Variants in ARID2 observed in about 807,000 individuals in gnomAD.
ARID2 encodes the protein AT-rich interaction domain 2.
Under a neutral mutation model 184.6 loss-of-function variants are expected in ARID2, and 32 were observed. The ratio of observed to expected loss-of-function variants is 0.17; its 90% CI spans 0.13 to 0.23. The LOEUF is 0.23. ARID2 is among the 10% of genes least tolerant of loss of function. The pLI, the probability that ARID2 is intolerant of heterozygous loss-of-function variation, is 1.00. For missense variants in ARID2, 1,696 were observed against 2,197.6 expected (o/e 0.77, Z 4.56); for synonymous variants, 836 against 772.6 (o/e 1.08, Z -1.36).
chr12:45,733,025 C>T (rs1941032209), intron 3 of ARID2, among the ~76,000 whole-genome samples: 1 of 152,058 alleles, frequency 6.6e-6, no homozygotes, highest in African/African-American at 2.4e-5. Flanking sequence ...TTTACATGGT[C>T]TTCAGATCAA....
At chr12:45,867,846 C>T (rs999368649) in intron 16 of ARID2, among the ~76,000 whole-genome samples, 2 of 152,030 alleles carry the variant, frequency 1.3e-5, no homozygotes, top group Non-Finnish European at 2.9e-5. Context: ...CCACCTTGGC[C>T]TCACAAAGGG....
intron 3 of ARID2, among the ~76,000 whole-genome samples, chr12:45,781,923 T>C (rs936642006): frequency 7.9e-5 from 12 of 152,320 alleles, no homozygotes; most frequent in Admixed American, 7.8e-4. Flanking sequence ...AGAACAAATA[T>C]TTTGTGGGCC....
Position 45,836,781 on chromosome 12 carries a change from T to C in ARID2, c.813T>C (p.His271=). 1 of 1,613,980 alleles carries C rather than the reference T, an allele frequency of 6.2e-7. No individual in the cohort carries two copies. Among genetic ancestry groups the C allele is most frequent in the Non-Finnish European group, 8.5e-7 (1 of 1,179,898 alleles). Residue 271 remains histidine (H), a synonymous_variant, in exon 8 of 21, where the codon CAT becomes CAC. Transcript: ENST00000334344. ...SGEWIWESLF[H]PPRKLGINDI... is the part of the protein sequence containing the mutation. ...AATGGATTTGGGAGTCTTTATTTCA[T>C]CCACCTCGAAAGCTGGGCATTAACG... is the stretch of plus-strand genomic sequence containing the variant.
At chr12:45,791,136 A>G (rs1489150124) in intron 3 of ARID2, among the ~76,000 whole-genome samples, 1 of 152,064 alleles carries the variant, frequency 6.6e-6, no homozygotes, top group African/African-American at 2.4e-5. Context: ...TAGTGGCTAC[A>G]CCATTTTATA....
At chr12:45,859,032 ATGTT>A (rs1241963706) in intron 15 of ARID2, among the ~76,000 whole-genome samples, 1 of 152,032 alleles carries the variant, frequency 6.6e-6, no homozygotes, top group Admixed American at 6.5e-5. Flanking sequence ...GTAGCCTTGT[ATGTT>A]TGTGATTTAT....
chr12:45,902,867 T>G (rs1202028307), intron 20 of ARID2, among the ~76,000 whole-genome samples: 4 of 152,318 alleles, frequency 2.6e-5, no homozygotes, highest in Admixed American at 2.6e-4. Flanking sequence ...AGAAAGATCT[T>G]AGAAATTTCA....
At chr12:45,816,854 T>C (rs2138090616) in intron 4 of ARID2, among the ~76,000 whole-genome samples, 1 of 152,330 alleles carries the variant, frequency 6.6e-6, no homozygotes. Context: ...GATAGGAAAG[T>C]AAATTTGATT....
intron 3 of ARID2, among the ~76,000 whole-genome samples, chr12:45,744,614 A>T (rs1189484483): frequency 6.6e-6 from 1 of 152,136 alleles, no homozygotes; most frequent in Non-Finnish European, 1.5e-5. Flanking sequence ...TTTGCTGGCC[A>T]TTGATTACAT....
At chr12:45,857,547 A>G (rs944079486) in intron 15 of ARID2, among the ~76,000 whole-genome samples, 5 of 152,200 alleles carry the variant, frequency 3.3e-5, no homozygotes, top group African/African-American at 1.2e-4. Context: ...ATACTTAATA[A>G]GAGGAAAAAA....
chr12:45,891,970 A>G, intron 17 of ARID2, 41 bp from the exon 18 acceptor site: 1 of 1,614,054 alleles, frequency 6.2e-7, no homozygotes, highest in African/African-American at 1.3e-5. Flanking sequence ...TGCATTAAAG[A>G]TTTTGACGTG....
intron 3 of ARID2, among the ~76,000 whole-genome samples, chr12:45,753,955 A>T (rs940116492): frequency 2.0e-5 from 3 of 152,178 alleles, no homozygotes; most frequent in Non-Finnish European, 4.4e-5. Flanking sequence ...TTTCAACATG[A>T]TGAAGTACTA....
intron 18 of ARID2, among the ~76,000 whole-genome samples, chr12:45,892,568 T>C (rs1006644827): frequency 4.6e-5 from 7 of 152,148 alleles, no homozygotes; most frequent in African/African-American, 1.4e-4. Context: ...TATTCAGAAT[T>C]AGCTTAAAAT....
chr12:45,764,614 G>A (rs563571391), intron 3 of ARID2, among the ~76,000 whole-genome samples: 1 of 152,288 alleles, frequency 6.6e-6, no homozygotes, highest in African/African-American at 2.4e-5. Context: ...AAATAATACT[G>A]TATGAAGCCT....
At chr12:45,816,164 TGTAAGCCC>T (rs1294271941) in intron 4 of ARID2, among the ~76,000 whole-genome samples, 12 of 152,332 alleles carry the variant, frequency 7.9e-5, no homozygotes, top group Admixed American at 2.0e-4. Context: ...CTTAGTGTTC[TGTAAGCCC>T]GTTTTATCCC....
At chr12:45,802,856 C>T (rs1157612192) in intron 3 of ARID2, among the ~76,000 whole-genome samples, 9 of 152,104 alleles carry the variant, frequency 5.9e-5, no homozygotes, top group Admixed American at 5.2e-4. Flanking sequence ...TTGGCATTGC[C>T]GACTTTCAAC....
intron 3 of ARID2, among the ~76,000 whole-genome samples, chr12:45,759,333 ATAT>A (rs947423327): frequency 3.9e-5 from 6 of 152,164 alleles, no homozygotes; most frequent in Non-Finnish European, 7.4e-5. Context: ...TAATGAGATA[ATAT>A]TATTTGGCAT....
In ARID2 at chr12:45,835,367, C is replaced by T. The variant is rs948241048; in HGVS notation, c.706-1222C>T. On this transcript the variant is annotated intron_variant, in intron 6 of 20. Transcript: ENST00000334344. ...GAACATTGTCTTTTAAAAAAATGTG[C>T]CTACTTCTTTTTTATTGCTACCAAA... Among the ~76,000 whole-genome samples, 7 of 152,000 alleles carry T rather than the reference C, an allele frequency of 4.6e-5. No homozygotes were observed. In the South Asian group the frequency reaches 6.2e-4, roughly 14 times the overall value.
rs2138163063 is a variant in ARID2, at chr12:45,850,561, C to G, written c.2438C>G (p.Ser813Cys). Residue 813 changes from serine to cysteine, a missense_variant, in exon 15 of 21, where the codon TCT becomes TGT. By Grantham distance (112) the Ser-to-Cys change is moderately radical. Coordinates refer to ENST00000334344, the MANE Select transcript of ARID2 (RefSeq NM_152641.4). ...GRVQNIPACTSTVSQGQQLIT... is the reference protein window; with the variant it reads ...GRVQNIPACTCTVSQGQQLIT... ...GTACAGAACATACCAGCATGTACTT[C>G]TACAGTTTCACAGGGTCAACAGTTA... 2 of 1,614,098 alleles carry G rather than the reference C, an allele frequency of 1.2e-6. No individual in the cohort carries two copies. The highest frequency in any genetic ancestry group is 1.7e-6 in the Non-Finnish European group (2 of 1,180,006).
intron 3 of ARID2, among the ~76,000 whole-genome samples, chr12:45,776,648 A>G (rs1941985488): frequency 6.6e-6 from 1 of 152,134 alleles, no homozygotes; most frequent in Non-Finnish European, 1.5e-5. Flanking sequence ...ACATGCTTCT[A>G]TAGAAACTTT....
Sources: gnomAD v4.1 joint callset for allele counts (sites outside exome capture counted in the v4.1 genomes callset) on GRCh38, gnomAD v4.1.1 for gene constraint, MANE v1.5 for transcripts, NCBI Gene and HGNC (gene_info 2026-07-23, HGNC 2026-07-21) for gene names.